Variants in THOC5 observed in about 807,000 individuals in gnomAD.
THOC5 encodes the protein Fms-interacting protein.
In THOC5, 43 loss-of-function variants were observed where a neutral mutation model predicts 92.9. The ratio of observed to expected loss-of-function variants is 0.46; its 90% confidence interval spans 0.36 to 0.60. The LOEUF is 0.60. Ranked by LOEUF, THOC5 falls within the 20% of genes least tolerant of loss-of-function variation. The pLI is 0.00. For synonymous variants in THOC5, 296 were observed against 320.1 expected (o/e 0.92, Z 0.80); for missense variants, 659 against 849.4 (o/e 0.78, Z 2.79).
Position 29,508,148 on chromosome 22 carries a change from G to A in THOC5, c.*309C>T. On this transcript the variant is annotated 3_prime_UTR_variant, in exon 20 of 20. Transcript: ENST00000490103. ...ACCTCACCCCGCAAAGCACAAATAGGGTGTGCGTAGACAAGAGGTGAGCAT... is the reference window on the plus strand; with the variant it reads ...ACCTCACCCCGCAAAGCACAAATAGAGTGTGCGTAGACAAGAGGTGAGCAT... The A allele has an allele frequency of 2.6e-6, 1 of 384,910 alleles. No individual in the cohort carries two copies. Among genetic ancestry groups the A allele is most frequent in the East Asian group, 5.0e-5 (1 of 19,932 alleles). The allele number at this position is 384,910 out of a possible 1,614,324, so 23.8% of individuals were successfully genotyped here.
intron 2 of THOC5, among the ~76,000 whole-genome samples, chr22:29,546,361 C>T (rs2064019380): frequency 6.6e-6 from 1 of 152,190 alleles, no homozygotes; most frequent in Non-Finnish European, 1.5e-5. Flanking sequence ...CTCCTTGCTA[C>T]TTATGCAAAT....
At chr22:29,550,741 GT>G (rs1165485021) in intron 1 of THOC5, 1 of 152,222 alleles carries the variant, frequency 6.6e-6, no homozygotes, top group Non-Finnish European at 1.5e-5. Flanking sequence ...AGGGGTTGTT[GT>G]GGGCTTTAAC....
intron 1 of THOC5, among the ~76,000 whole-genome samples, chr22:29,551,488 C>G (rs2064142865): frequency 1.3e-5 from 2 of 152,056 alleles, no homozygotes; most frequent in South Asian, 4.1e-4. Flanking sequence ...ACCTGTAATC[C>G]CAACACTTTG....
At chr22:29,529,111 T>C (rs1272746679) in intron 9 of THOC5, 51 bp downstream of exon 9, 1 of 1,587,130 alleles carries the variant, frequency 6.3e-7, no homozygotes, top group Admixed American at 1.7e-5. Flanking sequence ...AGGACTGCCC[T>C]TGGATGGTGA....
At chr22:29,542,693 G>A (rs1358333006) in intron 5 of THOC5, among the ~76,000 whole-genome samples, 166 bp downstream of exon 5, 2 of 152,118 alleles carry the variant, frequency 1.3e-5, no homozygotes, top group African/African-American at 4.8e-5. Context: ...GAACCCGGGA[G>A]GTGGAGGTTG....
At chr22:29,533,336 C>A (rs891536977) in intron 7 of THOC5, among the ~76,000 whole-genome samples, 25 of 152,192 alleles carry the variant, frequency 1.6e-4, no homozygotes, top group Non-Finnish European at 2.4e-4. Context: ...AGAGATTATA[C>A]ACATATCCAC....
chr22:29,517,020 A>G lies in THOC5; in HGVS notation c.1681+9T>C. 1 of 1,613,814 alleles carries G rather than the reference A, an allele frequency of 6.2e-7. No homozygotes were observed. On this transcript the variant is annotated intron_variant, in intron 17 of 19. Transcript: ENST00000490103. The stretch of plus-strand genomic sequence containing the variant: ...TGTCTAGAACCCCTGTAATCAGCAG[A>G]GCAATTACCTGTGCCCCTTTCGATG...
chr22:29,510,872 CTA>C (rs1351910974), intron 19 of THOC5, among the ~76,000 whole-genome samples: 1 of 152,164 alleles, frequency 6.6e-6, no homozygotes, highest in African/African-American at 2.4e-5. Flanking sequence ...CAAACAAACT[CTA>C]TTGTTTTCCA....
At position 29,508,508 on chromosome 22, in the gene THOC5, C is replaced by T; in HGVS notation, c.2001G>A (p.Arg667=). The T allele has an allele frequency of 6.2e-7, 1 of 1,614,038 alleles. No individual in the cohort carries two copies. Among genetic ancestry groups the T allele is most frequent in the Non-Finnish European group, 8.5e-7 (1 of 1,179,928 alleles). The part of the protein sequence containing the change: ...MCLRLFRGPS[R]MKPFKYNHPQ... ...GATGGTTGTATTTAAATGGCTTCAT[C>T]CTGCTAGGACCCCTAGAGAAATAGG... The change falls in exon 20 of 20, where the codon AGG becomes AGA. Residue 667 remains arginine, a synonymous_variant. Coordinates refer to ENST00000490103, the MANE Select transcript of THOC5 (RefSeq NM_003678.5).
chr22:29,518,235 T>G (rs901979143), intron 15 of THOC5, among the ~76,000 whole-genome samples: 1 of 152,164 alleles, frequency 6.6e-6, no homozygotes, highest in Admixed American at 6.6e-5. Context: ...AGTTTCACCA[T>G]GTTGGCAGGC....
chr22:29,545,145 G>A (rs1471871877), intron 2 of THOC5: 1 of 409,116 alleles, frequency 2.4e-6, no homozygotes, highest in Non-Finnish European at 4.8e-6. Context: ...GAAAAATGAG[G>A]AGGAAGCAAA....
intron 1 of THOC5, 139 bp from the exon 2 acceptor site, chr22:29,549,297 T>A: frequency 1.5e-6 from 1 of 679,710 alleles, no homozygotes; most frequent in Non-Finnish European, 2.5e-6. Flanking sequence ...CCCTCTGTAA[T>A]ACAACAGGGA....
chr22:29,539,862 G>A (rs892172827), intron 5 of THOC5, among the ~76,000 whole-genome samples: 19 of 152,176 alleles, frequency 1.2e-4, no homozygotes, highest in African/African-American at 3.6e-4. Flanking sequence ...ACAAGGGTCT[G>A]CACTTAAGTT....
At chr22:29,540,676 T>C (rs2063863067) in intron 5 of THOC5, among the ~76,000 whole-genome samples, 1 of 152,210 alleles carries the variant, frequency 6.6e-6, no homozygotes, top group Non-Finnish European at 1.5e-5. Flanking sequence ...TTTGATACCT[T>C]TTTAATTTGG....
At chr22:29,511,702 C>T (rs1019378713) in intron 18 of THOC5, among the ~76,000 whole-genome samples, 1 of 152,270 alleles carries the variant, frequency 6.6e-6, no homozygotes, top group Non-Finnish European at 1.5e-5. Context: ...TGTCATTCCT[C>T]ATGTCATTCC....
chr22:29,537,558 A>G (rs1023869608), intron 6 of THOC5, among the ~76,000 whole-genome samples: 1 of 150,498 alleles, frequency 6.6e-6, no homozygotes, highest in African/African-American at 2.5e-5. Context: ...AGAATCGCTT[A>G]AACTGGGGAG....
chr22:29,539,537 A>G, intron 5 of THOC5, 61 bp from the exon 6 acceptor site: 1 of 1,568,820 alleles, frequency 6.4e-7, no homozygotes. Flanking sequence ...TAGTTTAAGC[A>G]GGCCCAAAGT....
At chr22:29,521,196 A>G in intron 12 of THOC5, 97 bp from the exon 13 acceptor site, 1 of 851,574 alleles carries the variant, frequency 1.2e-6, no homozygotes, top group Non-Finnish European at 2.0e-6. Context: ...CGTCTCACTG[A>G]TGACCAATGC....
chr22:29,529,755 T>C (rs1040897948), intron 8 of THOC5, among the ~76,000 whole-genome samples: 5 of 152,246 alleles, frequency 3.3e-5, no homozygotes, highest in South Asian at 2.1e-4. Flanking sequence ...GTTCCAGACC[T>C]GAGTCCCTGC....
Sources: allele counts gnomAD v4.1 joint callset (sites outside exome capture counted in the v4.1 genomes callset), GRCh38; gene constraint gnomAD v4.1.1; transcripts MANE v1.5; gene names NCBI Gene and HGNC (gene_info 2026-07-23, HGNC 2026-07-21).